The following MIPOL1 variants were observed in gnomAD, a reference collection of about 807,000 sequenced individuals.
MIPOL1 encodes mirror-image polydactyly 1, also known as mirror-image polydactyly gene 1 protein.
MIPOL1 carries 57 observed loss-of-function variants against 60.9 expected under a neutral mutation model. The observed-to-expected ratio is 0.94, with a 90% CI of 0.76 to 1.17. The LOEUF (loss-of-function observed/expected upper bound fraction) is 1.17, where lower values mean the gene tolerates loss of function less well. MIPOL1 is among the 50% of genes most tolerant of loss of function. The pLI is 0.00. For missense variants in MIPOL1, 551 were observed against 511.6 expected, an observed-to-expected ratio of 1.08 and a Z score of -0.74; for synonymous variants, 179 against 168.8, an observed-to-expected ratio of 1.06 and a Z score of -0.47.
chr14:37,338,561 A>C (rs1054970469), intron 9 of MIPOL1, among the ~76,000 whole-genome samples: 1 of 151,934 alleles, frequency 6.6e-6, no homozygotes, highest in Non-Finnish European at 1.5e-5. Context: ...GGTGTGCGCC[A>C]CCATGCCCAG....
chr14:37,498,042 A>G (rs1389589004), intron 11 of MIPOL1, among the ~76,000 whole-genome samples: 3 of 152,244 alleles, frequency 2.0e-5, no homozygotes, highest in Non-Finnish European at 2.9e-5. Flanking sequence ...ATATAACAGA[A>G]TATTTTATAG....
At position 37,430,501 on chromosome 14, in the gene MIPOL1, G is replaced by GT. The variant is rs200586099; in HGVS notation, c.1031+7563dup. 8.1e-3 allele frequency among the ~76,000 whole-genome samples: 365 copies of GT among 44,988 alleles called. 1 individual carries two copies. The highest frequency in any genetic ancestry group is 0.025 in the South Asian group (10 of 400). The allele number at this position is 44,988 out of a possible 152,430, so 29.5% of individuals were successfully genotyped here. ...GTAAAACAAAAAGAAAATTAAAATA[G>GT]TTTTTTTTTTTAAAAAAAAGTATAC... is the stretch of plus-strand genomic sequence containing the variant. On this transcript the variant is annotated intron_variant, in intron 11 of 12. Coordinates refer to ENST00000684589, the MANE Select transcript of MIPOL1 (RefSeq NM_001388067.1).
chr14:37,372,935 A>G (rs549184038), intron 10 of MIPOL1, among the ~76,000 whole-genome samples: 2 of 152,246 alleles, frequency 1.3e-5, no homozygotes, highest in African/African-American at 2.4e-5. Context: ...TCTTGTTTAA[A>G]GTAAATTTTA....
At chr14:37,474,389 C>T (rs72674220) in intron 11 of MIPOL1, among the ~76,000 whole-genome samples, 25,059 of 151,970 alleles carry the variant, frequency 0.16, 3,852 homozygotes, top group African/African-American at 0.4. Flanking sequence ...GGGAGGGACC[C>T]GGTGGGAGGT....
At chr14:37,248,491 G>A (rs1029383661) in intron 3 of MIPOL1, among the ~76,000 whole-genome samples, 3 of 152,032 alleles carry the variant, frequency 2.0e-5, no homozygotes, top group Non-Finnish European at 2.9e-5. Context: ...CACATTGAGA[G>A]TGATAGAGAC....
chr14:37,293,974 C>T (rs369838000), intron 7 of MIPOL1, among the ~76,000 whole-genome samples: 1 of 152,178 alleles, frequency 6.6e-6, no homozygotes, highest in African/African-American at 2.4e-5. Context: ...GTTCTTCCAG[C>T]ACGCAGCTTG....
intron 7 of MIPOL1, among the ~76,000 whole-genome samples, chr14:37,305,290 G>C (rs996406702): frequency 6.6e-6 from 1 of 151,694 alleles, no homozygotes; most frequent in East Asian, 1.9e-4. Context: ...TTCCAAATTG[G>C]CACTTAACAG....
intron 10 of MIPOL1, among the ~76,000 whole-genome samples, chr14:37,402,325 G>A (rs2093499401): frequency 6.6e-6 from 1 of 152,046 alleles, no homozygotes; most frequent in Non-Finnish European, 1.5e-5. Context: ...CCACCTTTTG[G>A]GGAGATAAAC....
chr14:37,465,479 A>C (rs983753169), intron 11 of MIPOL1, among the ~76,000 whole-genome samples: 1 of 152,192 alleles, frequency 6.6e-6, no homozygotes, highest in African/African-American at 2.4e-5. Context: ...TAGTGTTGAG[A>C]AATGCACCAT....
intron 1 of MIPOL1, among the ~76,000 whole-genome samples, chr14:37,208,255 A>G (rs1180323664): frequency 6.6e-6 from 1 of 152,174 alleles, no homozygotes; most frequent in African/African-American, 2.4e-5. Context: ...TAAGTTTCGG[A>G]AGCTGCTTGA....
intron 1 of MIPOL1, among the ~76,000 whole-genome samples, chr14:37,220,567 A>G (rs1369064408): frequency 1.3e-5 from 2 of 152,222 alleles, no homozygotes; most frequent in Admixed American, 1.3e-4. Flanking sequence ...AGCTGGCACC[A>G]TGGGCTAGAT....
chr14:37,314,913 A>G (rs2087712909), intron 9 of MIPOL1, among the ~76,000 whole-genome samples: 1 of 152,188 alleles, frequency 6.6e-6, no homozygotes, highest in East Asian at 1.9e-4. Context: ...CATTTTATTG[A>G]GTACCTGTTA....
intron 10 of MIPOL1, among the ~76,000 whole-genome samples, chr14:37,412,697 TGGAAATAATTCTATTTATTTA>T (rs1197506780): frequency 6.6e-6 from 1 of 152,092 alleles, no homozygotes; most frequent in African/African-American, 2.4e-5. Context: ...GTGAGGGTGA[TGGAAATAATTCTATTTATTTA>T]TCTAGTTTCC....
At chr14:37,247,986 A>G in intron 3 of MIPOL1, 79 bp downstream of exon 3, 1 of 1,466,758 alleles carries the variant, frequency 6.8e-7, no homozygotes, top group Non-Finnish European at 9.5e-7. Flanking sequence ...TGTTTGTTCT[A>G]ACCAATATAT....
At chr14:37,528,282 C>A (rs1397530556) in intron 12 of MIPOL1, among the ~76,000 whole-genome samples, 2 of 151,872 alleles carry the variant, frequency 1.3e-5, no homozygotes, top group Non-Finnish European at 2.9e-5. Context: ...TATATATAAT[C>A]TTTTACATAT....
chr14:37,475,019 C>T (rs1301930311), intron 11 of MIPOL1, among the ~76,000 whole-genome samples: 9 of 151,838 alleles, frequency 5.9e-5, no homozygotes, highest in Non-Finnish European at 1.5e-5. Flanking sequence ...GGCTGGAATG[C>T]AGTGGCGTGA....
intron 1 of MIPOL1, among the ~76,000 whole-genome samples, chr14:37,199,246 C>T (rs146384672): frequency 2.9e-4 from 44 of 152,256 alleles, no homozygotes; most frequent in Middle Eastern, 3.4e-3. Context: ...TATTGCATCC[C>T]GGAAGCCCCA....
Position 37,546,992 on chromosome 14 carries a change from G to C in MIPOL1, c.*21G>C. The C allele has an allele frequency of 6.2e-7, 1 of 1,609,372 alleles. No homozygotes were observed. The highest frequency in any genetic ancestry group is 1.1e-5 in the South Asian group (1 of 90,754). On this transcript the variant is annotated 3_prime_UTR_variant, in exon 13 of 13. Transcript: ENST00000684589. The stretch of plus-strand genomic sequence containing the variant: ...TCTGATTGAAAAAAAACGACAGTCT[G>C]GGGAAGCGATCACATCTGGTGACCA...
intron 9 of MIPOL1, among the ~76,000 whole-genome samples, chr14:37,368,846 ATTATTTTTACTT>A (rs2092557947): frequency 6.6e-6 from 1 of 152,054 alleles, no homozygotes; most frequent in African/African-American, 2.4e-5. Flanking sequence ...ACTTTAACTT[ATTATTTTTACTT>A]ATATTCTCTT....
Sources: gnomAD v4.1 joint callset for allele counts (sites outside exome capture counted in the v4.1 genomes callset) on GRCh38, gnomAD v4.1.1 for gene constraint, MANE v1.5 for transcripts, NCBI Gene and HGNC (gene_info 2026-07-23, HGNC 2026-07-21) for gene names.